The following SEMA4D variants were observed in gnomAD, a reference collection of about 807,000 sequenced individuals.
The protein encoded by SEMA4D is semaphorin 4D, also known as semaphorin-4D.
SEMA4D carries 22 observed loss-of-function variants against 74.8 expected under a neutral mutation model. The observed-to-expected ratio is 0.29, with a 90% CI of 0.21 to 0.42. The LOEUF (loss-of-function observed/expected upper bound fraction) is 0.42. SEMA4D is among the 10% of genes least tolerant of loss of function. The pLI, the probability that SEMA4D is intolerant of heterozygous loss-of-function variation, is 1.00. For missense variants in SEMA4D, 937 were observed against 1,118.4 expected (o/e 0.84, Z 2.31); for synonymous variants, 445 against 463.7 (o/e 0.96, Z 0.52).
chr9:89,403,643 G>A (rs1587621178), intron 3 of SEMA4D, among the ~76,000 whole-genome samples: 1 of 152,204 alleles, frequency 6.6e-6, no homozygotes, highest in East Asian at 1.9e-4. Context: ...TTGAGCAATA[G>A]CTGCTTAAGA....
chr9:89,483,981 T>C (rs548272558), intron 1 of SEMA4D, among the ~76,000 whole-genome samples: 2 of 152,352 alleles, frequency 1.3e-5, no homozygotes, highest in Non-Finnish European at 2.9e-5. Context: ...GAAGGGATAT[T>C]ACAGGAGTCA....
In SEMA4D at chr9:89,378,830, G is replaced by A; in HGVS notation, c.2463C>T (p.Thr821=). ...TATCCGTGGGGACTTTGCTGGTGAT[G>A]GTGTCTTGCTCGGTCTCATAGCCGG... ...LDTGYETEQD[T]ITSKVPTDRE... is the part of the protein sequence containing the mutation. Residue 821 remains threonine (T), a synonymous_variant, in exon 16 of 16, where the codon ACC becomes ACT. Transcript: ENST00000422704. The A allele has an allele frequency of 1.9e-6, 3 of 1,614,192 alleles. No individual in the cohort carries two copies. The highest frequency in any genetic ancestry group is 2.5e-6 in the Non-Finnish European group (3 of 1,180,036).
chr9:89,427,031 CA>C (rs1848263545), intron 2 of SEMA4D, among the ~76,000 whole-genome samples: 1 of 152,182 alleles, frequency 6.6e-6, no homozygotes, highest in African/African-American at 2.4e-5. Flanking sequence ...GCCAGAATTT[CA>C]ATCAATTTCT....
At chr9:89,404,583 G>C (rs1842869790) in intron 3 of SEMA4D, among the ~76,000 whole-genome samples, 1 of 134,164 alleles carries the variant, frequency 7.5e-6, no homozygotes, top group South Asian at 2.4e-4. Context: ...CCAGGAAGTG[G>C]AGTCCCCATC....
intron 2 of SEMA4D, among the ~76,000 whole-genome samples, chr9:89,439,085 G>A (rs541076738): frequency 2.7e-4 from 36 of 131,232 alleles, no homozygotes; most frequent in African/African-American, 1.0e-3. Flanking sequence ...GGATTCCAGC[G>A]ATCCTCCTGC....
intron 1 of SEMA4D, among the ~76,000 whole-genome samples, chr9:89,457,856 A>T (rs1221497898): frequency 2.6e-5 from 4 of 151,608 alleles, no homozygotes; most frequent in African/African-American, 9.7e-5. Flanking sequence ...ACACGGTGAA[A>T]CCCCATCTCT....
At chr9:89,496,259 T>G (rs1407802059) in intron 1 of SEMA4D, among the ~76,000 whole-genome samples, 1 of 152,188 alleles carries the variant, frequency 6.6e-6, no homozygotes, top group Non-Finnish European at 1.5e-5. Context: ...CCCCCTCCCA[T>G]GGAGTCCCTC....
intron 1 of SEMA4D, among the ~76,000 whole-genome samples, chr9:89,485,883 G>A (rs989466174): frequency 6.7e-6 from 1 of 149,464 alleles, no homozygotes. Context: ...CCTCAGTATA[G>A]AGCATCGAAT....
rs1826169660 is a variant in SEMA4D, at chr9:89,498,002, G to A, written c.-393C>T. 1 of 147,138 alleles carries A rather than the reference G, an allele frequency of 6.8e-6. No homozygotes were observed. The highest frequency in any genetic ancestry group is 1.5e-5 in the Non-Finnish European group (1 of 65,952). The allele number at this position is 147,138 out of a possible 1,614,324, so 9.1% of individuals were successfully genotyped here. On this transcript the variant is annotated 5_prime_UTR_variant, in exon 1 of 16. Coordinates refer to ENST00000422704, the MANE Select transcript of SEMA4D (RefSeq NM_001371194.2). ...TGGCGGCGGCGGCGGCGGCGGCAGC[G>A]GCGGGAGGCGGCCGGGCCGGGGAGG...
downstream of SEMA4D, among the ~76,000 whole-genome samples, chr9:89,372,562 A>C (rs964281248): frequency 5.3e-5 from 8 of 151,850 alleles, no homozygotes; most frequent in African/African-American, 1.7e-4. Context: ...AACAGCTCTG[A>C]ACACTCTCAA....
Position 89,402,980 on chromosome 9 carries a change from T to C in SEMA4D, c.143A>G (p.Tyr48Cys), listed in dbSNP as rs765342019. 53 of 1,613,128 alleles carry C rather than the reference T, an allele frequency of 3.3e-5. No individual in the cohort carries two copies. Among genetic ancestry groups the C allele is most frequent in the Non-Finnish European group, 4.1e-5 (48 of 1,179,192 alleles). Residue 48 changes from tyrosine to cysteine, a missense_variant, in exon 4 of 16, where the codon TAC (tyrosine) becomes TGC (cysteine). Coordinates refer to ENST00000422704, the MANE Select transcript of SEMA4D (RefSeq NM_001371194.2). ...GCTCAGCAGCAAGGCTGAGTAGTTG[T>C]AGATGTCTGGCTCATGAAACTGCAC... is the stretch of plus-strand genomic sequence containing the variant. ...HLVQFHEPDIYNYSALLLSED... is the reference protein window; with the variant it reads ...HLVQFHEPDICNYSALLLSED...
chr9:89,363,974 C>T lies in SEMA4D; in HGVS notation c.1883-24G>A, dbSNP rs781614749. The stretch of plus-strand genomic sequence containing the variant: ...ACCTGGGGACACAGACCGTTTCCAC[C>T]TCTGAGTCCACATTTAGGACCCAAA... On this transcript the variant is annotated intron_variant, in intron 16 of 18. Coordinates refer to the SEMA4D transcript ENST00000339861. The T allele has an allele frequency of 1.9e-6, 3 of 1,613,838 alleles. No homozygotes were observed. The African/African-American group carries it at 4.0e-5, about 22-fold the overall frequency.
At position 89,472,569 on chromosome 9, in the gene SEMA4D, G is replaced by T; in HGVS notation, c.-309-16616C>A. On this transcript the variant is annotated intron_variant, in intron 1 of 15. Transcript: ENST00000422704. The stretch of plus-strand genomic sequence containing the variant: ...AGAGCCAAATCACCGCTAGCAAAAC[G>T]GCAGAATTCATATAGCATTCAAAGA... 1.3e-5 allele frequency: 3 copies of T among 239,366 alleles called. No homozygotes were observed. In the South Asian group the frequency reaches 1.6e-4, roughly 13 times the overall value. 14.8% of individuals were successfully genotyped at this position (239,366 alleles called of 1,614,324 possible).
Position 89,381,346 on chromosome 9 carries a change from C to A in SEMA4D, c.1447G>T (p.Gly483Cys). ...GAGCCAGCATAGACAAACCTGTTGC[C>A]CTGCGTGTATGAGACAGAGAAGAAC... ...VQTLLLSSKKGNRFVYAGSNS... is the reference protein window; with the variant it reads ...VQTLLLSSKKCNRFVYAGSNS... Residue 483 changes from glycine (G) to cysteine (C), a missense_variant and splice_region_variant, in exon 14 of 16, where the codon GGC (glycine) becomes TGC (cysteine). Coordinates refer to ENST00000422704, the MANE Select transcript of SEMA4D (RefSeq NM_001371194.2). This position sits in a 1 kb window ranked among gnomAD's most constrained non-coding sequence, Gnocchi z 4.6. 1 of 1,472,352 alleles carries A rather than the reference C, an allele frequency of 6.8e-7. No individual in the cohort carries two copies. 91.2% of individuals were successfully genotyped at this position (1,472,352 alleles called of 1,614,324 possible). A position where few individuals can be genotyped will look rare whatever the true frequency, so the allele number is the denominator to read the frequency against.
chr9:89,375,296 G>A (rs1367747971), downstream of SEMA4D, among the ~76,000 whole-genome samples: 1 of 152,204 alleles, frequency 6.6e-6, no homozygotes, highest in Non-Finnish European at 1.5e-5. Flanking sequence ...TGGCCGAGGA[G>A]CACCATTCAG....
At chr9:89,485,253 T>C (rs963328852) in intron 1 of SEMA4D, among the ~76,000 whole-genome samples, 3 of 152,198 alleles carry the variant, frequency 2.0e-5, no homozygotes, top group African/African-American at 7.2e-5. Flanking sequence ...TTATGCTGAC[T>C]TCTCATCTCA....
chr9:89,363,268 C>T (rs184834797), intron 18 of SEMA4D, among the ~76,000 whole-genome samples: 1,885 of 100,558 alleles, frequency 0.019, 39 homozygotes, highest in African/African-American at 0.06. Flanking sequence ...CGTGGGATTT[C>T]CCCCCCCAGT....
intron 2 of SEMA4D, among the ~76,000 whole-genome samples, chr9:89,413,640 T>C (rs990719245): frequency 3.9e-5 from 6 of 152,270 alleles, no homozygotes; most frequent in African/African-American, 1.2e-4. Context: ...TGCATACATA[T>C]GTACACCTGT....
intron 2 of SEMA4D, among the ~76,000 whole-genome samples, chr9:89,422,662 C>T (rs1374870962): frequency 6.6e-6 from 1 of 152,232 alleles, no homozygotes; most frequent in African/African-American, 2.4e-5. Context: ...TAATGTGGGA[C>T]ATTCCGATCC....
Sources: gnomAD v4.1 joint callset for allele counts (sites outside exome capture counted in the v4.1 genomes callset) on GRCh38, gnomAD v4.1.1 for gene constraint, Gnocchi (gnomAD v3.1) non-coding constraint, MANE v1.5 for transcripts, NCBI Gene and HGNC (gene_info 2026-07-23, HGNC 2026-07-21) for gene names.